The following CSMD1 variants were observed in gnomAD, a reference collection of about 807,000 sequenced individuals.
CSMD1 encodes CUB and sushi domain-containing protein 1.
A neutral mutation model predicts 417.5 loss-of-function variants in CSMD1; 213 were observed. The observed-to-expected ratio is 0.51, with a 90% confidence interval of 0.46 to 0.57. CSMD1 has a LOEUF of 0.57. CSMD1 is among the 20% of genes least tolerant of loss of function. CSMD1 has a pLI of 0.00. For missense variants in CSMD1, 6,923 were observed against 4,529.7 expected (o/e 1.53, Z -15.17); for synonymous variants, 2,862 against 1,736.8 (o/e 1.65, Z -16.11).
chr8:4,745,286 C>T (rs1204728817), intron 1 of CSMD1, among the ~76,000 whole-genome samples: 2 of 152,118 alleles, frequency 1.3e-5, no homozygotes, highest in Non-Finnish European at 2.9e-5. Flanking sequence ...AAATTAAAAA[C>T]ACTATTGCAG....
At chr8:4,115,658 T>C (rs1802095419) in intron 3 of CSMD1, among the ~76,000 whole-genome samples, 1 of 152,190 alleles carries the variant, frequency 6.6e-6, no homozygotes, top group African/African-American at 2.4e-5. Context: ...GCTTTGCCCA[T>C]AATTGCTAAA....
intron 2 of CSMD1, among the ~76,000 whole-genome samples, chr8:4,451,661 C>T (rs556584008): frequency 2.0e-5 from 3 of 152,190 alleles, no homozygotes; most frequent in East Asian, 1.9e-4. Context: ...ATTCCTTAGT[C>T]AATTGAGTTC....
chr8:4,420,201 A>C (rs1021398390), intron 2 of CSMD1, 136 bp from the exon 3 acceptor site: 4 of 539,004 alleles, frequency 7.4e-6, no homozygotes, highest in Non-Finnish European at 1.3e-5. Flanking sequence ...TAGATAATCC[A>C]TACACATAGC....
intron 10 of CSMD1, among the ~76,000 whole-genome samples, chr8:3,556,539 CACACACACACA>C (rs1421368347): frequency 1.5e-4 from 22 of 149,312 alleles, no homozygotes; most frequent in African/African-American, 4.8e-4. Context: ...CACACACACA[CACACACACACA>C]CCCTCTCTCT....
chr8:3,513,021 A>G (rs1198542389), intron 10 of CSMD1, among the ~76,000 whole-genome samples: 1 of 152,158 alleles, frequency 6.6e-6, no homozygotes, highest in Non-Finnish European at 1.5e-5. Context: ...GATCATTTAA[A>G]AATACATTTG....
At chr8:4,471,349 T>C (rs1412391747) in intron 2 of CSMD1, among the ~76,000 whole-genome samples, 1 of 152,186 alleles carries the variant, frequency 6.6e-6, no homozygotes, top group Non-Finnish European at 1.5e-5. Context: ...CGCAGCTTAT[T>C]TCTAGAAGAC....
intron 10 of CSMD1, among the ~76,000 whole-genome samples, chr8:3,505,701 C>A (rs1243231243): frequency 6.6e-6 from 1 of 152,130 alleles, no homozygotes; most frequent in Non-Finnish European, 1.5e-5. Context: ...GGACCAACAA[C>A]ACTATGAGCA....
In CSMD1 at chr8:3,096,764, C is replaced by T. The variant is rs536158973; in HGVS notation, c.7138+85G>A. On this transcript the variant is annotated intron_variant, in intron 47 of 69. Coordinates refer to ENST00000635120, the MANE Select transcript of CSMD1 (RefSeq NM_033225.6). ...CATAAGTTAACTCAAGAATATATTCCAGTCTTTATGTTACTAAAACATTGT... is the reference window on the plus strand; with the variant it reads ...CATAAGTTAACTCAAGAATATATTCTAGTCTTTATGTTACTAAAACATTGT... 2.8e-3 allele frequency: 2,524 copies of T among 886,456 alleles called. 13 individuals carry two copies. The highest frequency in any genetic ancestry group is 3.7e-3 in the Non-Finnish European group (2,194 of 594,638). The allele number at this position is 886,456 out of a possible 1,614,324, so 54.9% of individuals were successfully genotyped here.
intron 3 of CSMD1, among the ~76,000 whole-genome samples, chr8:4,319,931 C>G (rs540300629): frequency 6.6e-6 from 1 of 152,212 alleles, no homozygotes; most frequent in South Asian, 2.1e-4. Context: ...GAGTCATCTT[C>G]AGAGCTTGCA....
intron 26 of CSMD1, among the ~76,000 whole-genome samples, chr8:3,248,417 T>G (rs1455649074): frequency 6.6e-6 from 1 of 151,722 alleles, no homozygotes; most frequent in Non-Finnish European, 1.5e-5. Context: ...AACTGGAGTT[T>G]CAGAAGAATA....
At chr8:3,928,090 G>T (rs1327930107) in intron 5 of CSMD1, among the ~76,000 whole-genome samples, 1 of 152,040 alleles carries the variant, frequency 6.6e-6, no homozygotes, top group Non-Finnish European at 1.5e-5. Context: ...CTGAGTTTAT[G>T]AAAGTATAAA....
rs143284309 is a variant in CSMD1, at chr8:3,145,430, C to A, written c.6032-2756G>T. On this transcript the variant is annotated intron_variant, in intron 40 of 69. Coordinates refer to ENST00000635120, the MANE Select transcript of CSMD1 (RefSeq NM_033225.6). ...GAAACATAACAACTTGCAAGGGGAT[C>A]AGGGTGCAAAGAAATGGAGGACATC... is the stretch of plus-strand genomic sequence containing the variant. 7.7e-3 allele frequency among the ~76,000 whole-genome samples: 1,168 copies of A among 152,186 alleles called. 4 individuals carry two copies. Among genetic ancestry groups the A allele is most frequent in the Middle Eastern group, 0.048 (14 of 294 alleles).
chr8:4,069,505 C>T (rs930987063), intron 3 of CSMD1, among the ~76,000 whole-genome samples: 15 of 152,164 alleles, frequency 9.9e-5, no homozygotes, highest in Non-Finnish European at 2.1e-4. Flanking sequence ...GACAGCCTGA[C>T]ATTTGCTAAT....
Position 3,767,440 on chromosome 8 carries a change from T to C in CSMD1, c.819-13398A>G, listed in dbSNP as rs141482739. ...TGTTCATTGTGTGAATAACGATATG[T>C]GCTACTGCAGACTGCAAGCTGCTGC... On this transcript the variant is annotated intron_variant, in intron 5 of 69. Transcript: ENST00000635120. Among the ~76,000 whole-genome samples, 601 of 152,334 alleles carry C rather than the reference T, an allele frequency of 3.9e-3. 6 individuals are homozygous for C. The highest frequency in any genetic ancestry group is 0.014 in the African/African-American group (570 of 41,578).
intron 1 of CSMD1, among the ~76,000 whole-genome samples, chr8:4,888,146 AG>A (rs1358100975): frequency 2.6e-5 from 4 of 152,170 alleles, no homozygotes; most frequent in Admixed American, 2.6e-4. Flanking sequence ...CATATATAAA[AG>A]AGTATATGAA....
intron 33 of CSMD1, among the ~76,000 whole-genome samples, chr8:3,192,350 A>T (rs1796475414): frequency 6.6e-6 from 1 of 152,242 alleles, no homozygotes; most frequent in African/African-American, 2.4e-5. Context: ...TTGCATAAAC[A>T]TAATGAGATA....
intron 7 of CSMD1, among the ~76,000 whole-genome samples, chr8:3,667,522 G>T (rs1798759347): frequency 6.6e-6 from 1 of 152,126 alleles, no homozygotes; most frequent in African/African-American, 2.4e-5. Flanking sequence ...GATGGGAGCT[G>T]TTGGGATGAG....
intron 5 of CSMD1, among the ~76,000 whole-genome samples, chr8:3,797,559 C>G (rs990727328): frequency 9.9e-5 from 15 of 151,852 alleles, no homozygotes; most frequent in African/African-American, 3.6e-4. Context: ...TTCTGTCTCA[C>G]AATATAATAT....
chr8:3,205,070 T>G (rs954847844), intron 31 of CSMD1, among the ~76,000 whole-genome samples: 1 of 152,326 alleles, frequency 6.6e-6, no homozygotes, highest in Middle Eastern at 3.4e-3. Flanking sequence ...CACTTACAGG[T>G]TGACTCAAGG....
Sources: gnomAD v4.1 joint callset for allele counts (sites outside exome capture counted in the v4.1 genomes callset) on GRCh38, gnomAD v4.1.1 for gene constraint, MANE v1.5 for transcripts, NCBI Gene and HGNC (gene_info 2026-07-23, HGNC 2026-07-21) for gene names.